Variants in DPYD observed in about 807,000 individuals in gnomAD.
The protein encoded by DPYD is dihydropyrimidine dehydrogenase.
A neutral mutation model predicts 116.2 loss-of-function variants in DPYD; 109 were observed. The observed-to-expected ratio is 0.94, with a 90% CI of 0.80 to 1.10. DPYD has a LOEUF of 1.10. DPYD is among the 50% of genes least tolerant of loss of function. The pLI is 0.00. For synonymous variants in DPYD, 440 were observed against 432.0 expected, an observed-to-expected ratio of 1.02 and a Z score of -0.23; for missense variants, 1,302 against 1,254.5, an observed-to-expected ratio of 1.04 and a Z score of -0.57.
In DPYD at chr1:97,679,194, A is replaced by G; in HGVS notation, c.763-12T>C. On this transcript the variant is annotated splice_polypyrimidine_tract_variant and intron_variant, in intron 7 of 22. Coordinates refer to ENST00000370192, the MANE Select transcript of DPYD (RefSeq NM_000110.4). ...TTACCGCAAATTATCTATAAGAAAC[A>G]ATATTTTGCATAAGAAAATTTGGCA... The G allele has an allele frequency of 7.0e-7, 1 of 1,426,092 alleles. No individual in the cohort carries two copies. The highest frequency in any genetic ancestry group is 2.3e-5 in the East Asian group (1 of 42,922). The allele number at this position is 1,426,092 out of a possible 1,614,324, so 88.3% of individuals were successfully genotyped here.
intron 4 of DPYD, among the ~76,000 whole-genome samples, chr1:97,726,947 T>C (rs566290454): frequency 6.6e-6 from 1 of 151,866 alleles, no homozygotes; most frequent in East Asian, 1.9e-4. Flanking sequence ...ACTACTGCCA[T>C]GAAATTGTCT....
chr1:97,443,783 C>A (rs1396533901), intron 14 of DPYD, among the ~76,000 whole-genome samples: 1 of 152,164 alleles, frequency 6.6e-6, no homozygotes, highest in African/African-American at 2.4e-5. Context: ...TGACAAAAAT[C>A]CCCCTATTTC....
intron 8 of DPYD, among the ~76,000 whole-genome samples, chr1:97,600,398 C>CT (rs1655175505): frequency 6.6e-6 from 1 of 152,176 alleles, no homozygotes; most frequent in South Asian, 2.1e-4. Flanking sequence ...ACCAGGCTAA[C>CT]TTCCCCCTCT....
intron 12 of DPYD, among the ~76,000 whole-genome samples, chr1:97,525,789 A>AGTGT (rs1276137474): frequency 6.3e-5 from 9 of 142,612 alleles, no homozygotes; most frequent in African/African-American, 1.9e-4. Flanking sequence ...AGAGAGAGAG[A>AGTGT]GTGTGTGTGT....
At chr1:97,791,701 C>T (rs147611528) in intron 3 of DPYD, among the ~76,000 whole-genome samples, 50 of 152,254 alleles carry the variant, frequency 3.3e-4, no homozygotes, top group Admixed American at 5.9e-4. Context: ...TATTGACTAA[C>T]CTAATTTATC....
In DPYD at chr1:97,800,591, A is replaced by G. The variant is rs563095093; in HGVS notation, c.233+27523T>C. 7.2e-5 allele frequency among the ~76,000 whole-genome samples: 11 copies of G among 152,042 alleles called. No individual in the cohort carries two copies. In the South Asian group the frequency reaches 8.3e-4, roughly 11 times the overall value. On this transcript the variant is annotated intron_variant, in intron 3 of 22. Coordinates refer to ENST00000370192, the MANE Select transcript of DPYD (RefSeq NM_000110.4). Reference sequence around the variant, plus strand: ...CCAATTTCCAAGCCAGTCCTATTCCATTCCTTCTTCCTCACCAGATAACCT... The same window carrying G: ...CCAATTTCCAAGCCAGTCCTATTCCGTTCCTTCTTCCTCACCAGATAACCT...
chr1:97,153,909 T>C (rs1655218728), intron 20 of DPYD, among the ~76,000 whole-genome samples: 1 of 149,860 alleles, frequency 6.7e-6, no homozygotes, highest in Non-Finnish European at 1.5e-5. Context: ...TCATTAATTA[T>C]CAGGGAAATG....
intron 16 of DPYD, among the ~76,000 whole-genome samples, chr1:97,311,607 T>C (rs1359008911): frequency 2.6e-5 from 4 of 151,748 alleles, no homozygotes; most frequent in African/African-American, 9.7e-5. Flanking sequence ...CTCTTACGTA[T>C]ATGTCCTTTT....
intron 18 of DPYD, among the ~76,000 whole-genome samples, chr1:97,273,830 A>G (rs1664752623): frequency 6.6e-6 from 1 of 152,154 alleles, no homozygotes; most frequent in Admixed American, 6.5e-5. Context: ...ATTTCTTGAT[A>G]TCTGTACAAT....
At chr1:97,197,389 T>C (rs1425729684) in intron 19 of DPYD, among the ~76,000 whole-genome samples, 1 of 152,204 alleles carries the variant, frequency 6.6e-6, no homozygotes, top group Non-Finnish European at 1.5e-5. Flanking sequence ...TACTTTACTA[T>C]AGTCTTAAAA....
intron 1 of DPYD, among the ~76,000 whole-genome samples, chr1:97,887,916 G>T (rs1672589455): frequency 6.6e-6 from 1 of 151,976 alleles, no homozygotes; most frequent in African/African-American, 2.4e-5. Flanking sequence ...ACTTCTTCCT[G>T]CTGTCATGTG....
chr1:97,270,224 C>T (rs76796616), intron 18 of DPYD, among the ~76,000 whole-genome samples: 14 of 152,262 alleles, frequency 9.2e-5, no homozygotes, highest in Non-Finnish European at 1.6e-4. Flanking sequence ...AATTCATAAA[C>T]AACCGGAGAA....
chr1:97,133,998 C>CAAAAAA (rs1208967697), intron 20 of DPYD, among the ~76,000 whole-genome samples: 7 of 17,220 alleles, frequency 4.1e-4, no homozygotes, highest in East Asian at 2.2e-3. Context: ...GACTCTGTTT[C>CAAAAAA]AAAAAAAAAA....
intron 12 of DPYD, among the ~76,000 whole-genome samples, chr1:97,519,335 C>G (rs1648471599): frequency 6.6e-6 from 1 of 152,100 alleles, no homozygotes; most frequent in African/African-American, 2.4e-5. Flanking sequence ...AGTGGAACTC[C>G]TCTTTTTAAA....
intron 18 of DPYD, among the ~76,000 whole-genome samples, chr1:97,287,662 G>A (rs4285753): frequency 0.041 from 6,245 of 152,176 alleles, 166 homozygotes; most frequent in Middle Eastern, 0.11. Context: ...CCTCGCTGCC[G>A]CCTTGCAGTT....
rs766917316 is a variant in DPYD, at chr1:97,467,500, A to G, written c.1741-17277T>C. ...TGCCTGTAACTTCTGCTTTCCTGAA[A>G]TTTACCCCTGCTTTAAAAAATCCTC... On this transcript the variant is annotated intron_variant, in intron 13 of 22. Transcript: ENST00000370192. Among the ~76,000 whole-genome samples, 4 of 152,148 alleles carry G rather than the reference A, an allele frequency of 2.6e-5. No homozygotes were observed. The East Asian group carries it at 7.7e-4, about 29-fold the overall frequency.
At chr1:97,781,308 C>T (rs554997176) in intron 3 of DPYD, among the ~76,000 whole-genome samples, 58 of 152,280 alleles carry the variant, frequency 3.8e-4, no homozygotes, top group African/African-American at 1.3e-3. Context: ...TTTAAGACCA[C>T]CATTTGTTTG....
intron 20 of DPYD, among the ~76,000 whole-genome samples, chr1:97,098,917 A>C (rs1408581590): frequency 4.6e-5 from 7 of 152,142 alleles, no homozygotes. Flanking sequence ...GAAAGTTCAC[A>C]ATGGCAAACC....
intron 18 of DPYD, among the ~76,000 whole-genome samples, chr1:97,261,493 CTT>C (rs1210765677): frequency 1.6e-3 from 198 of 122,440 alleles, no homozygotes; most frequent in African/African-American, 4.5e-3. Flanking sequence ...GACTATGCAT[CTT>C]TTTTTTTTTT....
Sources: allele counts gnomAD v4.1 joint callset (sites outside exome capture counted in the v4.1 genomes callset), GRCh38; gene constraint gnomAD v4.1.1; transcripts MANE v1.5; gene names NCBI Gene and HGNC (gene_info 2026-07-23, HGNC 2026-07-21).